The following TCF4 variants were observed in gnomAD, a reference collection of about 807,000 sequenced individuals.
TCF4 encodes the protein SL3-3 enhancer factor 2.
In TCF4, 3 loss-of-function variants were observed where a neutral mutation model predicts 82.1. The ratio of observed to expected loss-of-function variants is 0.04; its 90% CI spans 0.02 to 0.09. TCF4 has a LOEUF of 0.09. Ranked by LOEUF, TCF4 falls within the 10% of genes least tolerant of loss-of-function variation. The probability of loss-of-function intolerance (pLI) is 1.00; values close to 1 mark genes in which losing one functional copy is unlikely to be tolerated. For synonymous variants in TCF4, 276 were observed against 309.6 expected (o/e 0.89, Z 1.14); for missense variants, 518 against 852.7 (o/e 0.61, Z 4.89).
At chr18:55,534,008 G>C (rs1231656112) in intron 3 of TCF4, among the ~76,000 whole-genome samples, 1 of 152,130 alleles carries the variant, frequency 6.6e-6, no homozygotes, top group Non-Finnish European at 1.5e-5. Flanking sequence ...TTGAATATTT[G>C]CATATACATG....
intron 3 of TCF4, among the ~76,000 whole-genome samples, chr18:55,539,422 A>C (rs769634337): frequency 1.3e-5 from 2 of 152,214 alleles, no homozygotes; most frequent in East Asian, 3.9e-4. Context: ...CTATTTGCTT[A>C]GTTTGGGAAC....
At chr18:55,251,930 G>GTTTT (rs199695068) in intron 15 of TCF4, among the ~76,000 whole-genome samples, 21,491 of 100,098 alleles carry the variant, frequency 0.21, 1,883 homozygotes, top group Non-Finnish European at 0.28. Context: ...GGGGGATGAG[G>GTTTT]TTTTTTTTTT....
At chr18:55,545,920 A>AT (rs1016147694) in intron 3 of TCF4, among the ~76,000 whole-genome samples, 1 of 152,110 alleles carries the variant, frequency 6.6e-6, no homozygotes, top group African/African-American at 2.4e-5. Flanking sequence ...AGGTTCTGGT[A>AT]TTTTTTTCCC....
chr18:55,468,886 C>A (rs977827675), intron 3 of TCF4, among the ~76,000 whole-genome samples: 45 of 122,702 alleles, frequency 3.7e-4, no homozygotes, highest in Non-Finnish European at 6.5e-4. Flanking sequence ...TTCTCGCCCC[C>A]CCCCCCCTTG....
At chr18:55,346,669 A>G (rs915268691) in intron 8 of TCF4, among the ~76,000 whole-genome samples, 1 of 152,220 alleles carries the variant, frequency 6.6e-6, no homozygotes, top group African/African-American at 2.4e-5. Context: ...AAATTCCACC[A>G]AAGTCTGAAG....
intron 8 of TCF4, among the ~76,000 whole-genome samples, chr18:55,301,148 C>T (rs1030884652): frequency 6.6e-6 from 1 of 152,126 alleles, no homozygotes; most frequent in African/African-American, 2.4e-5. Flanking sequence ...AGAAAAGTGA[C>T]CCCAATCCCG....
intron 14 of TCF4, 122 bp downstream of exon 14, chr18:55,257,193 T>C (rs1048198999): frequency 1.5e-5 from 15 of 1,010,696 alleles, no homozygotes; most frequent in Admixed American, 1.2e-4. Flanking sequence ...CAAACCTGTG[T>C]GCTTAATGCT....
At chr18:55,587,861 G>A (rs1166832408) in intron 1 of TCF4, among the ~76,000 whole-genome samples, 177 bp downstream of exon 1, 1 of 147,744 alleles carries the variant, frequency 6.8e-6, no homozygotes, top group African/African-American at 2.5e-5. Flanking sequence ...GGGGCGGGGG[G>A]GCTGGCGGCG....
At chr18:55,303,065 A>C (rs745493686) in intron 8 of TCF4, among the ~76,000 whole-genome samples, 2 of 152,224 alleles carry the variant, frequency 1.3e-5, no homozygotes, top group Admixed American at 6.5e-5. Flanking sequence ...AAAGCAAAAA[A>C]GTAAAGGAAG....
chr18:55,595,003 TC>T (rs1480463164), intron 2 of TCF4, among the ~76,000 whole-genome samples: 3 of 152,162 alleles, frequency 2.0e-5, no homozygotes, highest in Non-Finnish European at 2.9e-5. Context: ...GCTGACAACC[TC>T]ATTTCTTCTC....
intron 8 of TCF4, among the ~76,000 whole-genome samples, chr18:55,309,368 C>T (rs146567300): frequency 5.3e-5 from 8 of 152,046 alleles, no homozygotes; most frequent in Non-Finnish European, 8.8e-5. Context: ...GCAATCCTCC[C>T]GCTTCAGCTT....
At chr18:55,596,203 C>T (rs537710181) in intron 2 of TCF4, 12 of 369,292 alleles carry the variant, frequency 3.2e-5, no homozygotes, top group Non-Finnish European at 6.4e-5. Context: ...GCACTCCGGT[C>T]TGGATGACAG....
At chr18:55,292,694 G>T (rs1488953674) in intron 8 of TCF4, among the ~76,000 whole-genome samples, 3 of 118,936 alleles carry the variant, frequency 2.5e-5, no homozygotes, top group Non-Finnish European at 5.2e-5. Flanking sequence ...AAATAGACAT[G>T]AATGTGTGTG....
chr18:55,350,290 A>C (rs1603281544), intron 8 of TCF4, 69 bp downstream of exon 8: 22 of 1,481,914 alleles, frequency 1.5e-5, no homozygotes, highest in East Asian at 2.3e-5. Context: ...ATTTACTTCT[A>C]TCTCCTTCCC....
intron 3 of TCF4, among the ~76,000 whole-genome samples, chr18:55,520,542 T>C (rs1168789624): frequency 1.3e-5 from 2 of 152,226 alleles, no homozygotes; most frequent in African/African-American, 4.8e-5. Context: ...TTATTTCTTG[T>C]TAACCACATA....
intron 3 of TCF4, among the ~76,000 whole-genome samples, chr18:55,557,901 A>G (rs2097318569): frequency 6.6e-6 from 1 of 152,186 alleles, no homozygotes; most frequent in Admixed American, 6.5e-5. Context: ...AAGTAATCAC[A>G]TGGAGTGGGA....
intron 2 of TCF4, among the ~76,000 whole-genome samples, chr18:55,616,026 C>T (rs1042583897): frequency 1.3e-5 from 2 of 151,966 alleles, no homozygotes; most frequent in Non-Finnish European, 2.9e-5. Flanking sequence ...TTTTTCAGTG[C>T]ACATAGAGTA....
intron 3 of TCF4, among the ~76,000 whole-genome samples, chr18:55,497,982 C>T (rs2096656224): frequency 6.6e-6 from 1 of 152,138 alleles, no homozygotes; most frequent in South Asian, 2.1e-4. Context: ...CTTGTTATAC[C>T]TACTGACAAA....
At chr18:55,593,258 G>C (rs755802869), upstream of TCF4, among the ~76,000 whole-genome samples, 1 of 149,412 alleles carries the variant, frequency 6.7e-6, no homozygotes, top group Non-Finnish European at 1.5e-5. Context: ...CATTATGTCA[G>C]ATGTAAAAAA....
Sources: gnomAD v4.1 joint callset for allele counts (sites outside exome capture counted in the v4.1 genomes callset) on GRCh38, gnomAD v4.1.1 for gene constraint, MANE v1.5 for transcripts, NCBI Gene and HGNC (gene_info 2026-07-23, HGNC 2026-07-21) for gene names.